The following CCDC92B variants were observed in gnomAD, a reference collection of about 807,000 sequenced individuals.
The protein encoded by CCDC92B is coiled-coil domain containing 92B.
CCDC92B carries 2 observed loss-of-function variants against 5.6 expected under a neutral mutation model. The observed-to-expected ratio is 0.36, with a 90% confidence interval of 0.15 to 1.12. CCDC92B has a LOEUF of 1.12. CCDC92B is among the 50% of genes most tolerant of loss of function. The pLI is 0.40. For missense variants in CCDC92B, 271 were observed against 262.2 expected (o/e 1.03, Z -0.23); for synonymous variants, 115 against 122.3 (o/e 0.94, Z 0.39).
chr17:2,739,114 T>C (rs1171395363), intron 1 of CCDC92B, among the ~76,000 whole-genome samples: 3 of 151,248 alleles, frequency 2.0e-5, no homozygotes, highest in Non-Finnish European at 2.9e-5. Context: ...ACGCCTGTAA[T>C]CCCAGCACTT....
intron 1 of CCDC92B, among the ~76,000 whole-genome samples, chr17:2,740,285 C>T (rs935078470): frequency 1.3e-5 from 2 of 151,868 alleles, no homozygotes; most frequent in Non-Finnish European, 2.9e-5. Flanking sequence ...TAAAGGGATC[C>T]TGCAGATGTA....
chr17:2,738,037 A>G (rs1469760768), intron 1 of CCDC92B, among the ~76,000 whole-genome samples: 2 of 151,626 alleles, frequency 1.3e-5, no homozygotes, highest in Non-Finnish European at 2.9e-5. Flanking sequence ...CAATATTTAC[A>G]CGAATATTTA....
At chr17:2,731,708 C>A (rs2070796751) in intron 2 of CCDC92B, among the ~76,000 whole-genome samples, 1 of 152,186 alleles carries the variant, frequency 6.6e-6, no homozygotes. Flanking sequence ...AGAGTCTGAA[C>A]CTGTTCCCTG....
intron 2 of CCDC92B, among the ~76,000 whole-genome samples, chr17:2,733,029 T>A (rs1310170011): frequency 6.4e-4 from 76 of 118,204 alleles, no homozygotes; most frequent in African/African-American, 1.3e-3. Context: ...AATAAATAAA[T>A]AAAAATAAAT....
Position 2,723,971 on chromosome 17 carries a change from G to C in CCDC92B, c.*440C>G. Reference sequence around the variant, plus strand: ...GCGGGAAGGGCGTCGGCGCGGGGGTGGGGGAGGCGGGGGGTGGGGAGCTAG... The same window carrying C: ...GCGGGAAGGGCGTCGGCGCGGGGGTCGGGGAGGCGGGGGGTGGGGAGCTAG... On this transcript the variant is annotated 3_prime_UTR_variant, in exon 4 of 4. Transcript: ENST00000614400. 1 of 961,174 alleles carries C rather than the reference G, an allele frequency of 1.0e-6. No homozygotes were observed. The highest frequency in any genetic ancestry group is 1.2e-4 in the East Asian group (1 of 8,548). The allele number at this position is 961,174 out of a possible 1,614,324, so 59.5% of individuals were successfully genotyped here.
chr17:2,740,468 C>T (rs2070913611), intron 1 of CCDC92B, among the ~76,000 whole-genome samples: 1 of 151,776 alleles, frequency 6.6e-6, no homozygotes, highest in Admixed American at 6.6e-5. Flanking sequence ...TCGAGACCAG[C>T]CTGGCCAACA....
Position 2,723,900 on chromosome 17 carries a change from G to A in CCDC92B, c.*511C>T. 1 of 980,976 alleles carries A rather than the reference G, an allele frequency of 1.0e-6. No individual in the cohort carries two copies. Among genetic ancestry groups the A allele is most frequent in the Non-Finnish European group, 1.2e-6 (1 of 826,910 alleles). 60.8% of individuals were successfully genotyped at this position (980,976 alleles called of 1,614,324 possible). On this transcript the variant is annotated 3_prime_UTR_variant, in exon 4 of 4. Transcript: ENST00000614400. Reference sequence around the variant, plus strand: ...CGGCAGGGTCAGGGTGGGGGTAGAAGGACCAGCCCCTAGCCTGGGCCTCTC... The same window carrying A: ...CGGCAGGGTCAGGGTGGGGGTAGAAAGACCAGCCCCTAGCCTGGGCCTCTC...
chr17:2,724,530 G>A lies in CCDC92B; in HGVS notation c.649C>T (p.Arg217Cys). 1.0e-6 allele frequency: 1 copy of A among 982,688 alleles called. No homozygotes were observed. Among genetic ancestry groups the A allele is most frequent in the Non-Finnish European group, 1.2e-6 (1 of 828,896 alleles). 60.9% of individuals were successfully genotyped at this position (982,688 alleles called of 1,614,324 possible). ...MPDPALFLYA[R>C]RPLRPSARSP... ...CGGGCGCTGGGCCGCAGCGGCCTGC[G>A]TGCATAGAGGAAGAGCGCGGGGTCG... is the stretch of plus-strand genomic sequence containing the variant. The change falls in exon 4 of 4, where the codon CGC (arginine) becomes TGC (cysteine). Residue 217 changes from arginine to cysteine, a missense_variant. Physicochemically the swap from Arg to Cys is radical, Grantham distance 180 (BLOSUM62 -3). Coordinates refer to ENST00000614400, the MANE Select transcript of CCDC92B (RefSeq NM_001355573.2). The surrounding 1 kb of genome is among the most constrained non-coding windows in gnomAD (Gnocchi z 5.0).
chr17:2,733,136 T>G (rs939679578), intron 2 of CCDC92B, among the ~76,000 whole-genome samples: 1 of 151,468 alleles, frequency 6.6e-6, no homozygotes, highest in African/African-American at 2.4e-5. Context: ...GGGCGCTCTG[T>G]TCCTGCCTGC....
chr17:2,730,948 G>A (rs973347336), intron 2 of CCDC92B, among the ~76,000 whole-genome samples: 1 of 152,160 alleles, frequency 6.6e-6, no homozygotes, highest in African/African-American at 2.4e-5. Flanking sequence ...ACTGCCTGGC[G>A]GCACTGGAGG....
chr17:2,744,105 CG>C (rs1234417329), intron 1 of CCDC92B, among the ~76,000 whole-genome samples: 2 of 152,028 alleles, frequency 1.3e-5, no homozygotes, highest in Non-Finnish European at 2.9e-5. Context: ...CTCAAACTCC[CG>C]ACCTCGTGAT....
chr17:2,732,973 A>G (rs2070812623), intron 2 of CCDC92B, among the ~76,000 whole-genome samples: 1 of 151,766 alleles, frequency 6.6e-6, no homozygotes, highest in South Asian at 2.1e-4. Flanking sequence ...AGATCACGCC[A>G]CTGCACTCCA....
In CCDC92B at chr17:2,723,984, G is replaced by C; in HGVS notation, c.*427C>G. The C allele has an allele frequency of 2.1e-6, 2 of 966,420 alleles. No individual in the cohort carries two copies. The highest frequency in any genetic ancestry group is 2.5e-6 in the Non-Finnish European group (2 of 813,982). The allele number at this position is 966,420 out of a possible 1,614,324, so 59.9% of individuals were successfully genotyped here. On this transcript the variant is annotated 3_prime_UTR_variant, in exon 4 of 4. Coordinates refer to ENST00000614400, the MANE Select transcript of CCDC92B (RefSeq NM_001355573.2). ...CGGCGCGGGGGTGGGGGAGGCGGGG[G>C]GTGGGGAGCTAGAGGGCCTGGGGCG...
rs2070841691 is a variant in CCDC92B, at chr17:2,734,987, AC to A, written c.130+28del. On this transcript the variant is annotated intron_variant, in intron 2 of 3. Coordinates refer to ENST00000614400, the MANE Select transcript of CCDC92B (RefSeq NM_001355573.2). Reference sequence around the variant, plus strand: ...GTGATGATGACAGTGACCTCTCCCCACCCGTCCAGCCGCCTCTCCTGGCCTC... The same window carrying A: ...GTGATGATGACAGTGACCTCTCCCCACCGTCCAGCCGCCTCTCCTGGCCTC... 7.1e-6 allele frequency: 7 copies of A among 984,986 alleles called. No homozygotes were observed. In the South Asian group the frequency reaches 3.3e-4, roughly 46 times the overall value. The allele number at this position is 984,986 out of a possible 1,614,324, so 61.0% of individuals were successfully genotyped here. A position where few individuals can be genotyped will look rare whatever the true frequency, so the allele number is the denominator to read the frequency against.
chr17:2,725,876 T>G (rs7212318), intron 3 of CCDC92B, among the ~76,000 whole-genome samples: 1 of 151,462 alleles, frequency 6.6e-6, no homozygotes, highest in Non-Finnish European at 1.5e-5. Context: ...ATGCTGCAGA[T>G]GGAGGGAACA....
At chr17:2,731,571 C>T (rs369788148) in intron 2 of CCDC92B, among the ~76,000 whole-genome samples, 41 of 152,318 alleles carry the variant, frequency 2.7e-4, no homozygotes, top group South Asian at 2.3e-3. Context: ...CCCCTCTGCC[C>T]CTCCTCCTCA....
At chr17:2,727,721 G>C (rs554682458) in intron 3 of CCDC92B, among the ~76,000 whole-genome samples, 1 of 152,250 alleles carries the variant, frequency 6.6e-6, no homozygotes, top group East Asian at 1.9e-4. Context: ...CTACTTGGGA[G>C]GCTGAAGTAG....
At chr17:2,727,388 A>G (rs2070741295) in intron 3 of CCDC92B, among the ~76,000 whole-genome samples, 1 of 152,170 alleles carries the variant, frequency 6.6e-6, no homozygotes, top group Admixed American at 6.5e-5. Flanking sequence ...TCTCACGTGC[A>G]GCGTGAGTTG....
At chr17:2,740,515 T>G (rs1386701464) in intron 1 of CCDC92B, among the ~76,000 whole-genome samples, 6 of 151,488 alleles carry the variant, frequency 4.0e-5, no homozygotes, top group Non-Finnish European at 5.9e-5. Flanking sequence ...ATACAAAAAT[T>G]AGCTGGGCAT....
Sources: allele counts gnomAD v4.1 joint callset (sites outside exome capture counted in the v4.1 genomes callset), GRCh38; gene constraint gnomAD v4.1.1; non-coding constraint Gnocchi (gnomAD v3.1); transcripts MANE v1.5; gene names NCBI Gene and HGNC (gene_info 2026-07-23, HGNC 2026-07-21).